Variants in MBIP observed in about 807,000 individuals in gnomAD.
MBIP encodes the protein MAP3K12-binding inhibitory protein 1.
A neutral mutation model predicts 45.7 loss-of-function variants in MBIP; 32 were observed. The ratio of observed to expected loss-of-function variants is 0.70; its 90% confidence interval spans 0.53 to 0.94. MBIP has a LOEUF of 0.94. MBIP is among the 40% of genes least tolerant of loss of function. The pLI, the probability that MBIP is intolerant of heterozygous loss-of-function variation, is 0.00. For synonymous variants in MBIP, 145 were observed against 141.0 expected (o/e 1.03, Z -0.20); for missense variants, 381 against 405.5 (o/e 0.94, Z 0.52).
At position 36,320,522 on chromosome 14, in the gene MBIP, G is replaced by A. The variant is rs751101562; in HGVS notation, c.67C>T (p.Pro23Ser). ...TAGAGCACCTCTCGGGAGAGGTTGG[G>A]TCTGCATCTTCGCTCCAGGTTCCTG... ...GDRNLERRCR[P>S]NLSREVLYEI... Residue 23 changes from proline to serine, a missense_variant, in exon 1 of 9, where the codon CCC becomes TCC. By Grantham distance (74) the Pro-to-Ser change is moderately conservative. Transcript: ENST00000416007. The A allele has an allele frequency of 6.8e-6, 11 of 1,613,936 alleles. No homozygotes were observed. The highest frequency in any genetic ancestry group is 9.3e-6 in the Non-Finnish European group (11 of 1,179,944).
rs1879482234 is a variant in MBIP, at chr14:36,300,591, CCTAT to C, written c.927+190_927+193del. The stretch of plus-strand genomic sequence containing the variant: ...CAGGACAAAGGTTTTATTTATTTAA[CCTAT>C]CTGAGTCATTCCATGCCCTTAAAAT... On this transcript the variant is annotated intron_variant, in intron 8 of 8. Coordinates refer to ENST00000416007, the MANE Select transcript of MBIP (RefSeq NM_016586.3). Among the ~76,000 whole-genome samples the C allele has an allele frequency of 5.9e-5, 9 of 152,284 alleles. No individual in the cohort carries two copies. The South Asian group carries it at 1.5e-3, about 25-fold the overall frequency.
chr14:36,315,565 A>G (rs575829029), intron 2 of MBIP, among the ~76,000 whole-genome samples: 3 of 152,230 alleles, frequency 2.0e-5, no homozygotes, highest in Admixed American at 6.5e-5. Flanking sequence ...AAAAAGATCT[A>G]TAGCTGAAAA....
chr14:36,304,547 A>C (rs1019704292), intron 7 of MBIP, among the ~76,000 whole-genome samples: 4 of 152,344 alleles, frequency 2.6e-5, no homozygotes, highest in Admixed American at 2.0e-4. Context: ...CGTTCTTTTA[A>C]ATGGACTGTT....
intron 4 of MBIP, among the ~76,000 whole-genome samples, chr14:36,312,860 G>A (rs1158979521): frequency 6.6e-6 from 1 of 151,926 alleles, no homozygotes; most frequent in Non-Finnish European, 1.5e-5. Context: ...TAAATCTCCT[G>A]TAAAATTCCC....
intron 1 of MBIP, among the ~76,000 whole-genome samples, chr14:36,317,754 T>C (rs1181347505): frequency 1.1e-4 from 17 of 152,126 alleles, no homozygotes; most frequent in Non-Finnish European, 2.9e-5. Context: ...CTATACTTCA[T>C]AGTAGAATCA....
chr14:36,301,068 T>C (rs1879518595), intron 7 of MBIP: 1 of 283,988 alleles, frequency 3.5e-6, no homozygotes, highest in African/African-American at 2.2e-5. Flanking sequence ...TCCTTGGCAA[T>C]ACATATTTTC....
chr14:36,311,982 G>A lies in MBIP; in HGVS notation c.614C>T (p.Pro205Leu). 3.1e-6 allele frequency: 5 copies of A among 1,595,020 alleles called. No homozygotes were observed. In the South Asian group the frequency reaches 3.5e-5, roughly 11 times the overall value. Residue 205 changes from proline to leucine, a missense_variant, in exon 5 of 9, where the codon CCC becomes CTC. Pro to Leu is a moderately conservative substitution (Grantham distance 98, BLOSUM62 -3). Coordinates refer to ENST00000416007, the MANE Select transcript of MBIP (RefSeq NM_016586.3). ...ACCTTTTACGTGACTTTTAAATCCG[G>A]GGTAAGGGGTAAAAATCGCATCAGT... ...ARTDAIFTPYPGFKSHVKVSR... is the reference protein window; with the variant it reads ...ARTDAIFTPYLGFKSHVKVSR...
At chr14:36,318,080 G>A (rs1880683525) in intron 1 of MBIP, among the ~76,000 whole-genome samples, 1 of 151,974 alleles carries the variant, frequency 6.6e-6, no homozygotes. Flanking sequence ...TAAAGTTAAT[G>A]CATTAATTTA....
intron 7 of MBIP, among the ~76,000 whole-genome samples, chr14:36,306,104 A>G (rs1286400776): frequency 6.6e-6 from 1 of 152,170 alleles, no homozygotes; most frequent in Non-Finnish European, 1.5e-5. Context: ...TGGAAAATAG[A>G]TTTTAAACTT....
intron 6 of MBIP, among the ~76,000 whole-genome samples, chr14:36,310,151 T>C (rs181949261): frequency 1.2e-4 from 19 of 152,306 alleles, no homozygotes; most frequent in Admixed American, 3.9e-4. Flanking sequence ...TTTTATACAG[T>C]GGCATTTTAA....
At chr14:36,315,014 C>T (rs756184023) in intron 2 of MBIP, 99 bp from the exon 3 acceptor site, 5 of 717,668 alleles carry the variant, frequency 7.0e-6, no homozygotes, top group Admixed American at 5.5e-5. Flanking sequence ...AAATGAAATA[C>T]TTAATATCAG....
intron 2 of MBIP, 56 bp from the exon 3 acceptor site, chr14:36,314,971 C>T (rs756593868): frequency 2.0e-6 from 2 of 977,926 alleles, no homozygotes; most frequent in Non-Finnish European, 3.2e-6. Flanking sequence ...ATTAATTACA[C>T]ACTTAATATA....
Position 36,299,000 on chromosome 14 carries a change from A to G in MBIP, c.*83T>C. ...CTTCACAGAGAAGTCTACATTGATA[A>G]ATATATATCCGTTGAATTAATAACA... On this transcript the variant is annotated 3_prime_UTR_variant, in exon 9 of 9. Transcript: ENST00000416007. 1 of 972,912 alleles carries G rather than the reference A, an allele frequency of 1.0e-6. No homozygotes were observed. The highest frequency in any genetic ancestry group is 1.6e-6 in the Non-Finnish European group (1 of 621,666). The allele number at this position is 972,912 out of a possible 1,614,324, so 60.3% of individuals were successfully genotyped here. A position where few individuals can be genotyped will look rare whatever the true frequency, so the allele number is the denominator to read the frequency against.
chr14:36,320,562 G>A lies in MBIP; in HGVS notation c.27C>T (p.Arg9=), dbSNP rs1261163242. 1.9e-6 allele frequency: 3 copies of A among 1,612,934 alleles called. No homozygotes were observed. Among genetic ancestry groups the A allele is most frequent in the East Asian group, 2.2e-5 (1 of 44,830 alleles). MAAATELN[R]PSSGDRNLER... ...CCAGGTTCCTGTCACCGCTGCTCGGGCGATTAAGCTCCGTGGCAGCAGCCA... is the reference window on the plus strand; with the variant it reads ...CCAGGTTCCTGTCACCGCTGCTCGGACGATTAAGCTCCGTGGCAGCAGCCA... The change falls in exon 1 of 9, where the codon CGC becomes CGT. Residue 9 remains arginine, a synonymous_variant. Transcript: ENST00000416007.
intron 7 of MBIP, among the ~76,000 whole-genome samples, chr14:36,303,316 T>C (rs1284556566): frequency 6.6e-6 from 1 of 152,194 alleles, no homozygotes; most frequent in Admixed American, 6.5e-5. Context: ...AAATTGTCTC[T>C]CCTCACCCAT....
intron 6 of MBIP, 85 bp downstream of exon 6, chr14:36,311,488 A>C (rs1371129353): frequency 2.3e-6 from 3 of 1,297,442 alleles, no homozygotes; most frequent in Non-Finnish European, 3.2e-6. Flanking sequence ...TAGGAGCTAA[A>C]TGAAAATTTG....
rs368521465 is a variant in MBIP, at chr14:36,314,582, A to C, written c.501T>G (p.Ile167Met). The stretch of plus-strand genomic sequence containing the variant: ...CATTGATTTCAGCTTGCTTTCTTTC[A>C]ATAAATGCAGATATTCGTCTGTCAA... Reference protein sequence around the residue: ...AEIDRRISAFIERKQAEINEN... With the variant: ...AEIDRRISAFMERKQAEINEN... Residue 167 changes from isoleucine (I) to methionine (M), a missense_variant, in exon 4 of 9, where the codon ATT becomes ATG. Physicochemically the swap from Ile to Met is conservative, Grantham distance 10. Transcript: ENST00000416007. The C allele has an allele frequency of 9.3e-6, 15 of 1,611,382 alleles. No individual in the cohort carries two copies. The highest frequency in any genetic ancestry group is 2.2e-5 in the East Asian group (1 of 44,838).
At position 36,316,937 on chromosome 14, in the gene MBIP, T is replaced by C. The variant is rs1396862837; in HGVS notation, c.130-125A>G. The C allele has an allele frequency of 1.1e-5, 10 of 926,076 alleles. No individual in the cohort carries two copies. In the African/African-American group the frequency reaches 1.4e-4, roughly 13 times the overall value. The allele number at this position is 926,076 out of a possible 1,614,324, so 57.4% of individuals were successfully genotyped here. A position where few individuals can be genotyped will look rare whatever the true frequency, so the allele number is the denominator to read the frequency against. On this transcript the variant is annotated intron_variant, in intron 1 of 8. Transcript: ENST00000416007. ...TTGCTCTAAGTTATCAAGTTTTTAATAATACACTGAAATGCTCTACCCAGT... is the reference window on the plus strand; with the variant it reads ...TTGCTCTAAGTTATCAAGTTTTTAACAATACACTGAAATGCTCTACCCAGT...
chr14:36,299,959 G>T (rs866600693), intron 8 of MBIP, among the ~76,000 whole-genome samples: 2 of 152,114 alleles, frequency 1.3e-5, no homozygotes, highest in South Asian at 2.1e-4. Flanking sequence ...CAGGGTTTTG[G>T]GGGGGCAGTG....
Sources: allele counts gnomAD v4.1 joint callset (sites outside exome capture counted in the v4.1 genomes callset), GRCh38; gene constraint gnomAD v4.1.1; transcripts MANE v1.5; gene names NCBI Gene and HGNC (gene_info 2026-07-23, HGNC 2026-07-21).